TTC34: variants seen among roughly 807,000 people sequenced by gnomAD.
TTC34 encodes tetratricopeptide repeat protein 34.
A neutral mutation model predicts 40.7 loss-of-function variants in TTC34; 44 were observed. The ratio of observed to expected loss-of-function variants is 1.08; its 90% CI spans 0.85 to 1.39. The LOEUF (loss-of-function observed/expected upper bound fraction) is 1.39. Ranked by LOEUF, TTC34 falls within the 40% of genes most tolerant of loss-of-function variation. The pLI is 0.00. For synonymous variants in TTC34, 422 were observed against 398.6 expected (o/e 1.06, Z -0.70); for missense variants, 884 against 838.0 (o/e 1.05, Z -0.68).
intron 6 of TTC34, among the ~76,000 whole-genome samples, chr1:2,769,783 C>T (rs1001338162): frequency 2.3e-4 from 14 of 60,826 alleles, no homozygotes; most frequent in East Asian, 5.8e-4. Flanking sequence ...CGTGGAGCAG[C>T]GCCCACACCC....
At chr1:2,764,046 A>AGCAGCACGC (rs1641715587) in intron 6 of TTC34, among the ~76,000 whole-genome samples, 2 of 113,296 alleles carry the variant, frequency 1.8e-5, no homozygotes, top group African/African-American at 7.1e-5. Flanking sequence ...GACCGCATGG[A>AGCAGCACGC]ATGGCATCCT....
At chr1:2,683,175 G>C (rs1171239435) in intron 6 of TTC34, among the ~76,000 whole-genome samples, 2 of 138,970 alleles carry the variant, frequency 1.4e-5, no homozygotes, top group Non-Finnish European at 3.1e-5. Context: ...CCGGCAGCCT[G>C]GAGCGGAACC....
In TTC34 at chr1:2,769,699, G is replaced by T. The variant is rs1442265849; in HGVS notation, c.2226+13910C>A. Among the ~76,000 whole-genome samples, 7 of 20,742 alleles carry T rather than the reference G, an allele frequency of 3.4e-4. No homozygotes were observed. The East Asian group carries it at 8.1e-3, about 24-fold the overall frequency. 13.6% of individuals were successfully genotyped at this position (20,742 alleles called of 152,430 possible). ...CCAGGGGAGCATCTGACAGTCTGGA[G>T]CAGCACCCACACCCCCAGGTGAGCA... On this transcript the variant is annotated intron_variant, in intron 6 of 8. Coordinates refer to ENST00000401095, the Ensembl canonical transcript of TTC34.
chr1:2,649,360 C>T (rs1203919458), intron 6 of TTC34, among the ~76,000 whole-genome samples: 1 of 152,026 alleles, frequency 6.6e-6, no homozygotes, highest in East Asian at 1.9e-4. Context: ...CGGCACCCCC[C>T]AGTTAGGTGA....
At chr1:2,680,279 CCG>C (rs1557603197) in intron 6 of TTC34, among the ~76,000 whole-genome samples, 17 of 41,038 alleles carry the variant, frequency 4.1e-4, no homozygotes, top group South Asian at 2.7e-3. Flanking sequence ...GAGCATCTGA[CCG>C]AACGGAGCAG....
intron 6 of TTC34, among the ~76,000 whole-genome samples, chr1:2,767,732 G>T (rs1466667483): frequency 1.4e-5 from 2 of 143,300 alleles, no homozygotes; most frequent in Non-Finnish European, 3.1e-5. Flanking sequence ...GCTCTTCCAG[G>T]TGAGAATATG....
At chr1:2,797,057 T>C (rs1447320265) in intron 2 of TTC34, among the ~76,000 whole-genome samples, 2 of 152,222 alleles carry the variant, frequency 1.3e-5, no homozygotes, top group Admixed American at 6.5e-5. Flanking sequence ...TCCTTCTTCC[T>C]GTCCTCCTGG....
intron 2 of TTC34, among the ~76,000 whole-genome samples, chr1:2,792,269 T>C (rs1643672643): frequency 6.6e-6 from 1 of 151,952 alleles, no homozygotes; most frequent in African/African-American, 2.4e-5. Flanking sequence ...AAAGTACTGG[T>C]ACTCCTTTTT....
In TTC34 at chr1:2,645,643, C is replaced by T. The variant is rs1639007911; in HGVS notation, c.2227-80G>A. ...CAGAGGGTCAGAGTAGGAGGACTGG[C>T]TCTGTCTTTCTCATTCCCTGATCTT... is the stretch of plus-strand genomic sequence containing the variant. On this transcript the variant is annotated intron_variant, in intron 6 of 8. Coordinates refer to ENST00000401095, the Ensembl canonical transcript of TTC34. The surrounding 1 kb of genome is among the most constrained non-coding windows in gnomAD (Gnocchi z 4.7). 8.9e-6 allele frequency: 12 copies of T among 1,341,242 alleles called. No homozygotes were observed. The highest frequency in any genetic ancestry group is 1.2e-5 in the Non-Finnish European group (12 of 1,028,142). The allele number at this position is 1,341,242 out of a possible 1,614,324, so 83.1% of individuals were successfully genotyped here. A position where few individuals can be genotyped will look rare whatever the true frequency, so the allele number is the denominator to read the frequency against.
chr1:2,642,122 A>C (rs982116083), intron 8 of TTC34, among the ~76,000 whole-genome samples: 13 of 152,068 alleles, frequency 8.5e-5, no homozygotes, highest in Non-Finnish European at 1.6e-4. Context: ...TGCAATTCCC[A>C]CTGCCCTGGA....
At chr1:2,789,442 C>G in intron 3 of TTC34, 61 bp downstream of exon 3, 4 of 1,437,872 alleles carry the variant, frequency 2.8e-6, no homozygotes, top group Non-Finnish European at 3.7e-6. Flanking sequence ...ACACATCCGT[C>G]GCTACCTCGA....
rs564329525 is a variant in TTC34 at position 2,787,814 on chromosome 1, GCTCCCTCCGGAGGGACC to G, written c.1629-125_1629-109del. The G allele has an allele frequency of 7.1e-5, 68 of 956,258 alleles. No individual in the cohort carries two copies. In the East Asian group the frequency reaches 1.1e-3, roughly 15 times the overall value. The allele number at this position is 956,258 out of a possible 1,614,324, so 59.2% of individuals were successfully genotyped here. On this transcript the variant is annotated intron_variant, in intron 3 of 8. Transcript: ENST00000401095. ...CGTCTCCATGTACCTGGCCTGGGCA[GCTCCCTCCGGAGGGACC>G]CTCACGCCACACCATCCCCAGAAGC...
intron 6 of TTC34, among the ~76,000 whole-genome samples, chr1:2,656,432 G>A (rs1639350440): frequency 1.6e-5 from 1 of 63,122 alleles, no homozygotes; most frequent in South Asian, 6.9e-4. Flanking sequence ...GTGAGCATCT[G>A]ACAGCCTGCA....
intron 6 of TTC34, among the ~76,000 whole-genome samples, chr1:2,683,425 C>G (rs1330414117): frequency 2.3e-4 from 26 of 112,662 alleles, no homozygotes; most frequent in African/African-American, 7.4e-4. Context: ...TGGAACACCA[C>G]CCTTCACCCC....
chr1:2,751,167 T>C (rs1193180498), intron 6 of TTC34, among the ~76,000 whole-genome samples: 1,021 of 11,648 alleles, frequency 0.088, no homozygotes, highest in Middle Eastern at 0.17. Flanking sequence ...AGCACGCACA[T>C]CCCCAGGCGA....
chr1:2,673,076 C>A (rs1240809014), intron 6 of TTC34, among the ~76,000 whole-genome samples: 3 of 67,832 alleles, frequency 4.4e-5, no homozygotes, highest in African/African-American at 1.4e-4. Flanking sequence ...CACCCTGCAC[C>A]CCCAGGTGAG....
At chr1:2,685,081 C>G (rs28520729) in intron 6 of TTC34, among the ~76,000 whole-genome samples, 20,053 of 122,402 alleles carry the variant, frequency 0.16, 1,669 homozygotes, top group South Asian at 0.23. Flanking sequence ...GCCTGCACCC[C>G]CAGGTGTGCA....
At chr1:2,777,345 G>T (rs1256560425) in intron 6 of TTC34, among the ~76,000 whole-genome samples, 1 of 145,732 alleles carries the variant, frequency 6.9e-6, no homozygotes, top group Non-Finnish European at 1.5e-5. Flanking sequence ...TCCAGGGGGA[G>T]CATCTGACAG....
chr1:2,682,088 C>T (rs1640106504), intron 6 of TTC34, among the ~76,000 whole-genome samples: 2 of 139,514 alleles, frequency 1.4e-5, no homozygotes, highest in South Asian at 2.4e-4. Flanking sequence ...CATCTGACAG[C>T]CTGGAGCAGC....
Sources: allele counts gnomAD v4.1 joint callset (sites outside exome capture counted in the v4.1 genomes callset), GRCh38; gene constraint gnomAD v4.1.1; non-coding constraint Gnocchi (gnomAD v3.1); transcripts MANE v1.5; gene names NCBI Gene and HGNC (gene_info 2026-07-23, HGNC 2026-07-21).